WDR49: variants seen among roughly 807,000 people sequenced by gnomAD.
WDR49 encodes the protein WD repeat domain 49, also known as cilia- and flagella-associated protein 337.
In WDR49, 107 loss-of-function variants were observed where a neutral mutation model predicts 119.5. The observed-to-expected ratio is 0.90, with a 90% CI of 0.77 to 1.05. WDR49 has a LOEUF of 1.05. WDR49 is among the 50% of genes least tolerant of loss of function. The pLI, the probability that WDR49 is intolerant of heterozygous loss-of-function variation, is 0.00. For missense variants in WDR49, 1,240 were observed against 1,220.5 expected, an observed-to-expected ratio of 1.02 and a Z score of -0.24; for synonymous variants, 425 against 418.8, an observed-to-expected ratio of 1.01 and a Z score of -0.18.
At chr3:167,607,483 G>A (rs1310678335) in intron 5 of WDR49, among the ~76,000 whole-genome samples, 1 of 152,008 alleles carries the variant, frequency 6.6e-6, no homozygotes, top group Non-Finnish European at 1.5e-5. Flanking sequence ...CACCACTCTG[G>A]GTGCTCTCAC....
chr3:167,600,169 G>T (rs1014300408), intron 7 of WDR49, among the ~76,000 whole-genome samples: 5 of 152,024 alleles, frequency 3.3e-5, no homozygotes, highest in African/African-American at 9.7e-5. Context: ...CGGAAGGAAG[G>T]GGTCTCTTTC....
At chr3:167,550,791 G>C (rs1712512904) in intron 10 of WDR49, among the ~76,000 whole-genome samples, 1 of 148,910 alleles carries the variant, frequency 6.7e-6, no homozygotes, top group African/African-American at 2.5e-5. Context: ...GAGAGAGAGA[G>C]AGAGAGAGCT....
At chr3:167,562,888 T>G (rs114086231) in intron 8 of WDR49, among the ~76,000 whole-genome samples, 6,384 of 152,306 alleles carry the variant, frequency 0.042, 266 homozygotes, top group African/African-American at 0.094. Context: ...TTAAAGCATT[T>G]ATCACAGTGC....
chr3:167,486,874 A>G (rs80101365), intron 18 of WDR49, among the ~76,000 whole-genome samples: 1 of 152,138 alleles, frequency 6.6e-6, no homozygotes, highest in African/African-American at 2.4e-5. Context: ...CACTTGATCA[A>G]TTGGACCTAA....
At chr3:167,564,167 A>C (rs1467065663) in intron 8 of WDR49, among the ~76,000 whole-genome samples, 1 of 152,196 alleles carries the variant, frequency 6.6e-6, no homozygotes, top group Non-Finnish European at 1.5e-5. Flanking sequence ...CTGCTTATTT[A>C]ACAATTTCTC....
intron 7 of WDR49, among the ~76,000 whole-genome samples, chr3:167,594,535 C>A (rs1715309073): frequency 6.6e-6 from 1 of 152,076 alleles, no homozygotes; most frequent in South Asian, 2.1e-4. Flanking sequence ...AGCATACAGT[C>A]ATATTCATTC....
chr3:167,648,620 A>G (rs539529120), intron 2 of WDR49, among the ~76,000 whole-genome samples: 10 of 152,322 alleles, frequency 6.6e-5, no homozygotes, highest in Admixed American at 2.0e-4. Flanking sequence ...TGAGATCATT[A>G]TCTGGGCACA....
chr3:167,501,959 T>C (rs1447256742), intron 17 of WDR49, among the ~76,000 whole-genome samples: 1 of 152,204 alleles, frequency 6.6e-6, no homozygotes, highest in Non-Finnish European at 1.5e-5. Flanking sequence ...AGTAAGGATA[T>C]TTGTCCCCTC....
chr3:167,483,886 G>A (rs1162895599), intron 18 of WDR49, among the ~76,000 whole-genome samples: 1 of 152,050 alleles, frequency 6.6e-6, no homozygotes, highest in African/African-American at 2.4e-5. Flanking sequence ...TCTATATGTG[G>A]CAAAAATGAT....
At chr3:167,573,430 A>AC (rs1553867426) in intron 8 of WDR49, among the ~76,000 whole-genome samples, 119 of 145,474 alleles carry the variant, frequency 8.2e-4, no homozygotes, top group Middle Eastern at 7.1e-3. Flanking sequence ...ACACACACAC[A>AC]ACACAAATAG....
chr3:167,582,112 T>C (rs2108288954), intron 7 of WDR49, among the ~76,000 whole-genome samples: 1 of 151,422 alleles, frequency 6.6e-6, no homozygotes, highest in East Asian at 1.9e-4. Context: ...GCAGCCCAGC[T>C]CACCGGGAGC....
chr3:167,525,264 G>A (rs1199490584), intron 15 of WDR49, among the ~76,000 whole-genome samples: 1 of 152,082 alleles, frequency 6.6e-6, no homozygotes, highest in Non-Finnish European at 1.5e-5. Flanking sequence ...TTTGTATCCT[G>A]AGACTTTGCT....
At chr3:167,559,507 GA>G (rs1220554994) in intron 9 of WDR49, among the ~76,000 whole-genome samples, 1 of 152,072 alleles carries the variant, frequency 6.6e-6, no homozygotes. Context: ...GATAATTATA[GA>G]ATAAGAAACT....
chr3:167,485,606 A>G (rs1295051794), intron 18 of WDR49, among the ~76,000 whole-genome samples: 6 of 152,040 alleles, frequency 3.9e-5, no homozygotes, highest in Non-Finnish European at 8.8e-5. Flanking sequence ...TACTACAAGG[A>G]TTTTATAATA....
At chr3:167,603,388 CCTT>C (rs1421068705) in intron 6 of WDR49, among the ~76,000 whole-genome samples, 1 of 152,132 alleles carries the variant, frequency 6.6e-6, no homozygotes, top group Non-Finnish European at 1.5e-5. Flanking sequence ...ACTCCTCTAT[CCTT>C]CTCTAATAAA....
intron 7 of WDR49, among the ~76,000 whole-genome samples, chr3:167,579,626 A>C (rs1714435585): frequency 6.6e-6 from 1 of 152,172 alleles, no homozygotes; most frequent in Non-Finnish European, 1.5e-5. Flanking sequence ...AAAGATTTTT[A>C]TTAAAGAACT....
At chr3:167,481,066 C>A (rs1273389981) in intron 18 of WDR49, among the ~76,000 whole-genome samples, 217 of 135,484 alleles carry the variant, frequency 1.6e-3, no homozygotes, top group African/African-American at 2.0e-3. Context: ...ATATTTCAAG[C>A]AAAAAAAAAA....
intron 2 of WDR49, among the ~76,000 whole-genome samples, chr3:167,647,003 T>A (rs1451198745): frequency 6.6e-6 from 1 of 152,184 alleles, no homozygotes; most frequent in Non-Finnish European, 1.5e-5. Context: ...AGTGAGGGTG[T>A]CTTGTGTCAT....
At chr3:167,499,110 C>A (rs1401970328) in intron 18 of WDR49, among the ~76,000 whole-genome samples, 1 of 151,744 alleles carries the variant, frequency 6.6e-6, no homozygotes, top group Non-Finnish European at 1.5e-5. Flanking sequence ...ATAAAAAAAA[C>A]AAAACCTGAT....
Sources: gnomAD v4.1 joint callset for allele counts (sites outside exome capture counted in the v4.1 genomes callset) on GRCh38, gnomAD v4.1.1 for gene constraint, MANE v1.5 for transcripts, NCBI Gene and HGNC (gene_info 2026-07-23, HGNC 2026-07-21) for gene names.